The following ZHX2 variants were observed in gnomAD, a reference collection of about 807,000 sequenced individuals.
ZHX2 encodes zinc fingers and homeoboxes 2, also known as zinc fingers and homeoboxes protein 2.
Under a neutral mutation model 21.9 loss-of-function variants are expected in ZHX2, and 6 were observed. The ratio of observed to expected loss-of-function variants is 0.27; its 90% CI spans 0.15 to 0.54. ZHX2 has a LOEUF of 0.54. Ranked by LOEUF, ZHX2 falls within the 20% of genes least tolerant of loss-of-function variation. The probability of loss-of-function intolerance (pLI) is 0.95; values close to 1 mark genes in which losing one functional copy is unlikely to be tolerated. For synonymous variants in ZHX2, 434 were observed against 437.1 expected, an observed-to-expected ratio of 0.99 and a Z score of 0.09; for missense variants, 908 against 1,090.7, an observed-to-expected ratio of 0.83 and a Z score of 2.36.
intron 3 of ZHX2, among the ~76,000 whole-genome samples, chr8:122,961,901 G>C (rs546367072): frequency 6.2e-4 from 95 of 152,296 alleles, no homozygotes; most frequent in African/African-American, 2.0e-3. Flanking sequence ...CTTGCTTACT[G>C]CTCTCTATAT....
intron 1 of ZHX2, among the ~76,000 whole-genome samples, chr8:122,836,213 T>A (rs1240750954): frequency 6.6e-6 from 1 of 152,188 alleles, no homozygotes; most frequent in African/African-American, 2.4e-5. Context: ...CGGAACCTTC[T>A]TGGACCAACG....
At chr8:122,852,874 A>C (rs1266390473) in intron 1 of ZHX2, among the ~76,000 whole-genome samples, 1 of 152,112 alleles carries the variant, frequency 6.6e-6, no homozygotes, top group Non-Finnish European at 1.5e-5. Flanking sequence ...CCCCGGGTGC[A>C]TGTGTCCCCT....
chr8:122,885,278 G>T (rs1384146911), intron 2 of ZHX2, among the ~76,000 whole-genome samples: 1 of 152,178 alleles, frequency 6.6e-6, no homozygotes, highest in African/African-American at 2.4e-5. Context: ...ATGATCTTTG[G>T]CAAGTCAGTA....
chr8:122,882,314 C>CACAGAGAGAG (rs1554630716), intron 2 of ZHX2, among the ~76,000 whole-genome samples: 5 of 148,176 alleles, frequency 3.4e-5, no homozygotes, highest in African/African-American at 1.2e-4. Flanking sequence ...CACACACACA[C>CACAGAGAGAG]AGAGAGAGAG....
rs139442320 is a variant in ZHX2, at chr8:122,953,564, C to T, written c.2054C>T (p.Thr685Met). Residue 685 changes from threonine (T) to methionine (M), a missense_variant, in exon 3 of 4, where the codon ACG (threonine) becomes ATG (methionine). Thr to Met is a moderately conservative substitution (Grantham distance 81). Coordinates refer to ENST00000314393, the MANE Select transcript of ZHX2 (RefSeq NM_014943.5). This position sits in a 1 kb window ranked among gnomAD's most constrained non-coding sequence, Gnocchi z 4.6. ...WFKENRCLLK[T>M]GTVKWMEQYQ... ...AAGGAGAACAGATGCTTGCTGAAAA[C>T]GGGAACCGTGAAGTGGATGGAGCAG... is the stretch of plus-strand genomic sequence containing the variant. The T allele has an allele frequency of 9.3e-6, 15 of 1,614,186 alleles. No homozygotes were observed. The highest frequency in any genetic ancestry group is 4.0e-5 in the African/African-American group (3 of 75,056).
At chr8:122,890,388 G>C (rs1298079018) in intron 2 of ZHX2, among the ~76,000 whole-genome samples, 1 of 152,098 alleles carries the variant, frequency 6.6e-6, no homozygotes, top group Non-Finnish European at 1.5e-5. Flanking sequence ...AAGTCAAGTA[G>C]TGTGTTATCT....
At chr8:122,829,638 C>A (rs747106854) in intron 1 of ZHX2, among the ~76,000 whole-genome samples, 23 of 152,202 alleles carry the variant, frequency 1.5e-4, no homozygotes, top group Middle Eastern at 3.2e-3. Context: ...GTCCCACCTT[C>A]AAGTGCTGAG....
chr8:122,876,012 A>G (rs1382142136), intron 2 of ZHX2, among the ~76,000 whole-genome samples: 1 of 152,016 alleles, frequency 6.6e-6, no homozygotes, highest in Non-Finnish European at 1.5e-5. Flanking sequence ...CCATCCATCC[A>G]TCCCATTCAT....
upstream of ZHX2, chr8:122,781,339 GGC>G (rs1304336444): frequency 2.0e-5 from 3 of 152,252 alleles, no homozygotes; most frequent in Non-Finnish European, 2.9e-5. This position sits in a 1 kb window ranked among gnomAD's most constrained non-coding sequence, Gnocchi z 4.6. Flanking sequence ...GAGACGGTTT[GGC>G]CGCGGCCGCC....
chr8:122,941,653 T>A (rs1280295981), intron 2 of ZHX2, among the ~76,000 whole-genome samples: 3 of 146,680 alleles, frequency 2.0e-5, no homozygotes. Flanking sequence ...GTTTGTAGTT[T>A]TAGTTGCAGC....
chr8:122,960,380 A>G (rs375033883), intron 3 of ZHX2, among the ~76,000 whole-genome samples: 11 of 152,074 alleles, frequency 7.2e-5, no homozygotes, highest in East Asian at 5.8e-4. Context: ...TCTACTACAA[A>G]TACAAAAATT....
At chr8:122,912,894 A>G (rs1820515912) in intron 2 of ZHX2, among the ~76,000 whole-genome samples, 1 of 152,160 alleles carries the variant, frequency 6.6e-6, no homozygotes, top group Non-Finnish European at 1.5e-5. Context: ...TAATTCACAT[A>G]CCATATAATT....
intron 1 of ZHX2, among the ~76,000 whole-genome samples, chr8:122,855,064 A>C (rs1818996823): frequency 6.6e-6 from 1 of 152,234 alleles, no homozygotes; most frequent in South Asian, 2.1e-4. Context: ...GCATCCATAC[A>C]TTCCAGGGTC....
chr8:122,906,967 G>A (rs779549116), intron 2 of ZHX2, among the ~76,000 whole-genome samples: 5 of 152,002 alleles, frequency 3.3e-5, no homozygotes, highest in Admixed American at 6.5e-5. Flanking sequence ...CGCCATACTC[G>A]GCTATAATTT....
At chr8:122,842,448 G>C (rs1818656744) in intron 1 of ZHX2, among the ~76,000 whole-genome samples, 1 of 152,220 alleles carries the variant, frequency 6.6e-6, no homozygotes. Context: ...GCTCACGCCT[G>C]TAATCCCAGC....
intron 1 of ZHX2, among the ~76,000 whole-genome samples, chr8:122,801,710 C>T (rs1005921672): frequency 2.0e-5 from 3 of 152,098 alleles, no homozygotes; most frequent in Admixed American, 6.6e-5. Context: ...ATGATTGCAC[C>T]GCTGCAGCTC....
chr8:122,888,501 G>A (rs940193781), intron 2 of ZHX2, among the ~76,000 whole-genome samples: 2 of 151,692 alleles, frequency 1.3e-5, no homozygotes, highest in South Asian at 4.1e-4. Flanking sequence ...TTTTTTTGGC[G>A]ATGGAGTTTC....
At chr8:122,808,769 A>G (rs1200922250) in intron 1 of ZHX2, 2 of 152,228 alleles carry the variant, frequency 1.3e-5, no homozygotes, top group Non-Finnish European at 2.9e-5. Flanking sequence ...TCCATTACAG[A>G]GAGGAGAGTG....
Position 122,952,518 on chromosome 8 carries a change from C to T in ZHX2, c.1008C>T (p.Gly336=). ...AGGCCCGGAAGAAGATGTTCAACGGCACCATCCAGTCAGTACCCCCGACCA... is the reference window on the plus strand; with the variant it reads ...AGGCCCGGAAGAAGATGTTCAACGGTACCATCCAGTCAGTACCCCCGACCA... ...VEEARKKMFN[G]TIQSVPPTIT... The change falls in exon 3 of 4, where the codon GGC becomes GGT. Residue 336 remains glycine (G), a synonymous_variant. Coordinates refer to ENST00000314393, the MANE Select transcript of ZHX2 (RefSeq NM_014943.5). The surrounding 1 kb of genome is among the most constrained non-coding windows in gnomAD (Gnocchi z 6.9). The T allele has an allele frequency of 5.6e-6, 9 of 1,614,196 alleles. No individual in the cohort carries two copies. Among genetic ancestry groups the T allele is most frequent in the Non-Finnish European group, 7.6e-6 (9 of 1,180,026 alleles).
Sources: allele counts gnomAD v4.1 joint callset (sites outside exome capture counted in the v4.1 genomes callset), GRCh38; gene constraint gnomAD v4.1.1; non-coding constraint Gnocchi (gnomAD v3.1); transcripts MANE v1.5; gene names NCBI Gene and HGNC (gene_info 2026-07-23, HGNC 2026-07-21).